Variants in ZC3HAV1 observed in about 807,000 individuals in gnomAD.
ZC3HAV1 encodes the protein zinc finger CCCH-type antiviral protein 1.
In ZC3HAV1, 41 loss-of-function variants were observed where a neutral mutation model predicts 86.6. That is an observed-to-expected ratio of 0.47 (90% CI 0.37 to 0.61). The LOEUF is 0.61. Among genes scored for constraint, ZC3HAV1 ranks in the 20% least tolerant of loss-of-function variants. The pLI, the probability that ZC3HAV1 is intolerant of heterozygous loss-of-function variation, is 0.00. For missense variants in ZC3HAV1, 964 were observed against 1,141.1 expected (o/e 0.84, Z 2.24); for synonymous variants, 421 against 432.1 (o/e 0.97, Z 0.32).
intron 2 of ZC3HAV1, 121 bp downstream of exon 2, chr7:139,089,503 G>C (rs758208379): frequency 7.8e-6 from 10 of 1,280,752 alleles, no homozygotes; most frequent in Non-Finnish European, 1.0e-5. Context: ...TAACAGCCTC[G>C]ACTACCACCT....
rs1346510083 is a variant in ZC3HAV1, at chr7:139,083,913, G to A, written c.564C>T (p.Leu188=). ...TRGNCRFPNC[L]RSHNLMDRKV... ...TTCTGTCCATCAGGTTATGGGACCG[G>A]AGGCAGTTGGGAAAACGACAGTTCC... The change falls in exon 3 of 13, where the codon CTC becomes CTT. Residue 188 remains leucine, a synonymous_variant. Coordinates refer to ENST00000242351, the MANE Select transcript of ZC3HAV1 (RefSeq NM_020119.4). The A allele has an allele frequency of 1.2e-6, 2 of 1,614,094 alleles. No homozygotes were observed. The highest frequency in any genetic ancestry group is 4.5e-5 in the East Asian group (2 of 44,864).
chr7:139,069,613 G>A (rs763038771), intron 7 of ZC3HAV1, among the ~76,000 whole-genome samples: 13 of 152,040 alleles, frequency 8.6e-5, no homozygotes, highest in Non-Finnish European at 1.9e-4. Flanking sequence ...ACTGCCCATC[G>A]ATTCAATCAT....
chr7:139,060,852 C>A (rs1028960444), intron 9 of ZC3HAV1, 184 bp downstream of exon 9: 51 of 1,511,100 alleles, frequency 3.4e-5, no homozygotes, highest in Non-Finnish European at 4.3e-5. Context: ...GATCTAGTAT[C>A]CTTTCAGTCA....
intron 9 of ZC3HAV1, 42 bp from the exon 10 acceptor site, chr7:139,055,337 C>T (rs761818242): frequency 1.9e-6 from 3 of 1,555,152 alleles, no homozygotes; most frequent in South Asian, 1.1e-5. Context: ...CTCTGCTCCA[C>T]AGGCCCAAGT....
chr7:139,104,887 G>A lies in ZC3HAV1; in HGVS notation c.308+4137C>T, dbSNP rs1265966594. Among the ~76,000 whole-genome samples, 3 of 150,090 alleles carry A rather than the reference G, an allele frequency of 2.0e-5. No homozygotes were observed. In the South Asian group the frequency reaches 6.3e-4, roughly 31 times the overall value. On this transcript the variant is annotated intron_variant, in intron 1 of 12. Transcript: ENST00000242351. The stretch of plus-strand genomic sequence containing the variant: ...TCTCTACTAAAAAATACAAAAATTA[G>A]CTGGGTGTGGTGGCACATGCTTGTA...
At chr7:139,076,162 T>C (rs1816934810) in intron 6 of ZC3HAV1, 124 bp downstream of exon 6, 2 of 1,444,676 alleles carry the variant, frequency 1.4e-6, no homozygotes, top group Non-Finnish European at 9.4e-7. Context: ...TCTCAAGAGG[T>C]ATTTCACACT....
At chr7:139,065,314 C>G (rs1283182485) in intron 7 of ZC3HAV1, among the ~76,000 whole-genome samples, 3 of 152,186 alleles carry the variant, frequency 2.0e-5, no homozygotes, top group Non-Finnish European at 4.4e-5. Context: ...ACTTGCATCC[C>G]CTCTTTTCTG....
intron 7 of ZC3HAV1, among the ~76,000 whole-genome samples, chr7:139,073,596 T>C (rs1051563636): frequency 1.6e-4 from 24 of 152,240 alleles, no homozygotes; most frequent in African/African-American, 5.8e-4. Flanking sequence ...GTTCAAGAGA[T>C]TCTCCTGCCT....
chr7:139,098,879 T>C (rs565522495), intron 1 of ZC3HAV1, among the ~76,000 whole-genome samples: 43 of 152,232 alleles, frequency 2.8e-4, no homozygotes, highest in African/African-American at 1.0e-3. Context: ...CTTCTTCTGT[T>C]CCAAAGTAGC....
At position 139,084,242 on chromosome 7, in the gene ZC3HAV1, G is replaced by A. The variant is rs551606613; in HGVS notation, c.445-210C>T. Reference sequence around the variant, plus strand: ...GAAGAGGTCCACAGACTAACCAAAAGATACTGATCAATTTGATAACCCTTG... The same window carrying A: ...GAAGAGGTCCACAGACTAACCAAAAAATACTGATCAATTTGATAACCCTTG... On this transcript the variant is annotated intron_variant, in intron 2 of 12. Coordinates refer to ENST00000242351, the MANE Select transcript of ZC3HAV1 (RefSeq NM_020119.4). Among the ~76,000 whole-genome samples, 61 of 152,290 alleles carry A rather than the reference G, an allele frequency of 4.0e-4. 1 individual carries two copies. Among genetic ancestry groups the A allele is most frequent in the African/African-American group, 1.3e-3 (56 of 41,556 alleles).
intron 10 of ZC3HAV1, among the ~76,000 whole-genome samples, chr7:139,054,861 C>T (rs1225870110): frequency 1.3e-5 from 2 of 152,262 alleles, no homozygotes; most frequent in East Asian, 3.9e-4. Context: ...GATCTCGGCT[C>T]GCTGCAACCT....
At chr7:139,059,012 A>G (rs2130673954) in intron 9 of ZC3HAV1, among the ~76,000 whole-genome samples, 1 of 152,322 alleles carries the variant, frequency 6.6e-6, no homozygotes. Context: ...GAACTTTAAA[A>G]AAAAAAATGC....
chr7:139,065,825 A>C (rs1299080192), intron 7 of ZC3HAV1, among the ~76,000 whole-genome samples: 1 of 151,844 alleles, frequency 6.6e-6, no homozygotes, highest in Non-Finnish European at 1.5e-5. Context: ...AATCGCTTAA[A>C]CTCGGGGGGC....
rs1818016318 is a variant in ZC3HAV1 at position 139,108,876 on chromosome 7, G to A, written c.308+148C>T. ...AGCGCGGGCCCTGCAGAGGCTCCCA[G>A]AGGGGAGCAGAGAAGGGAGTGGCTG... On this transcript the variant is annotated intron_variant, in intron 1 of 12. Transcript: ENST00000242351. The surrounding 1 kb of genome is among the most constrained non-coding windows in gnomAD (Gnocchi z 4.2). 1 of 1,057,152 alleles carries A rather than the reference G, an allele frequency of 9.5e-7. No homozygotes were observed. The highest frequency in any genetic ancestry group is 1.3e-6 in the Non-Finnish European group (1 of 744,628). 65.5% of individuals were successfully genotyped at this position (1,057,152 alleles called of 1,614,324 possible).
chr7:139,101,500 G>T (rs1343165406), intron 1 of ZC3HAV1, among the ~76,000 whole-genome samples: 17 of 100,016 alleles, frequency 1.7e-4, no homozygotes, highest in Admixed American at 5.2e-4. Context: ...CCACCACCCC[G>T]TCTGGGAGGT....
At chr7:139,050,719 T>C (rs1348980760) in intron 12 of ZC3HAV1, among the ~76,000 whole-genome samples, 6 of 152,196 alleles carry the variant, frequency 3.9e-5, no homozygotes, top group Non-Finnish European at 5.9e-5. Flanking sequence ...TAACATAGGA[T>C]AGACCTGTAA....
At chr7:139,054,754 T>C (rs1331230542) in intron 10 of ZC3HAV1, among the ~76,000 whole-genome samples, 1 of 152,116 alleles carries the variant, frequency 6.6e-6, no homozygotes, top group East Asian at 1.9e-4. Context: ...CTTTCTACCT[T>C]GATCTAAGAG....
chr7:139,068,872 A>G (rs1816685260), intron 7 of ZC3HAV1, among the ~76,000 whole-genome samples: 1 of 152,176 alleles, frequency 6.6e-6, no homozygotes, highest in Admixed American at 6.5e-5. Flanking sequence ...TCGCTGTTGT[A>G]AGACTAACAG....
intron 4 of ZC3HAV1, 27 bp downstream of exon 4, chr7:139,079,443 C>T: frequency 6.2e-7 from 1 of 1,614,066 alleles, no homozygotes; most frequent in Admixed American, 1.7e-5. Flanking sequence ...AATGTACTAG[C>T]CCAAAGTGTC....
Sources: allele counts gnomAD v4.1 joint callset (sites outside exome capture counted in the v4.1 genomes callset), GRCh38; gene constraint gnomAD v4.1.1; non-coding constraint Gnocchi (gnomAD v3.1); transcripts MANE v1.5; gene names NCBI Gene and HGNC (gene_info 2026-07-23, HGNC 2026-07-21).